Variants in ZNF613 observed in about 807,000 individuals in gnomAD.
ZNF613 encodes zinc finger protein 613.
A neutral mutation model predicts 14.3 loss-of-function variants in ZNF613; 8 were observed. That is an observed-to-expected ratio of 0.56 (90% CI 0.33 to 1.01). The LOEUF is 1.01. Ranked by LOEUF, ZNF613 falls within the 50% of genes least tolerant of loss-of-function variation. The pLI, the probability that ZNF613 is intolerant of heterozygous loss-of-function variation, is 0.03. For missense variants in ZNF613, 656 were observed against 741.9 expected (o/e 0.88, Z 1.35); for synonymous variants, 228 against 254.5 (o/e 0.90, Z 0.99).
At chr19:51,938,885 A>C (rs956798586) in intron 3 of ZNF613, among the ~76,000 whole-genome samples, 1 of 151,696 alleles carries the variant, frequency 6.6e-6, no homozygotes, top group Non-Finnish European at 1.5e-5. Flanking sequence ...TTGCCTAATG[A>C]TGCATTTCTC....
Position 51,941,201 on chromosome 19 carries a change from G to A in ZNF613, c.235+492G>A, listed in dbSNP as rs138654457. ...CCTGCTTTGGCCTCCCAAAGTGCTGGGATTACAGGTGTGAGCCACCACACC... is the reference window on the plus strand; with the variant it reads ...CCTGCTTTGGCCTCCCAAAGTGCTGAGATTACAGGTGTGAGCCACCACACC... On this transcript the variant is annotated intron_variant, in intron 5 of 5. Transcript: ENST00000293471. Among the ~76,000 whole-genome samples the A allele has an allele frequency of 2.2e-4, 34 of 152,242 alleles. 1 individual carries two copies. In the East Asian group the frequency reaches 6.4e-3, roughly 29 times the overall value.
chr19:51,928,618 T>C (rs916315688), intron 1 of ZNF613, among the ~76,000 whole-genome samples: 1 of 152,006 alleles, frequency 6.6e-6, no homozygotes, highest in African/African-American at 2.4e-5. Context: ...TCCCAGCATT[T>C]GGGAGGCCAA....
chr19:51,942,437 TG>T (rs2085356699), intron 5 of ZNF613, among the ~76,000 whole-genome samples: 1 of 152,210 alleles, frequency 6.6e-6, no homozygotes, highest in African/African-American at 2.4e-5. Flanking sequence ...AATGGCTGTT[TG>T]GTCAGATGCC....
intron 3 of ZNF613, among the ~76,000 whole-genome samples, chr19:51,937,275 C>T (rs536351173): frequency 6.6e-6 from 1 of 152,334 alleles, no homozygotes; most frequent in African/African-American, 2.4e-5. Flanking sequence ...GGGGACCTCA[C>T]ACTTGTGACT....
rs769703133 is a variant in ZNF613, at chr19:51,944,179, G to T, written c.296G>T (p.Arg99Ile). 4.4e-6 allele frequency: 7 copies of T among 1,586,342 alleles called. No individual in the cohort carries two copies. Among genetic ancestry groups the T allele is most frequent in the South Asian group, 2.3e-5 (2 of 86,922 alleles). The part of the protein sequence containing the change: ...MHSQKQRCLK[R>I]VEQCHKHNAF... ...TCACAAAAGCAAAGATGTCTGAAGA[G>T]AGTGGAACAATGCCATAAACATAAT... is the stretch of plus-strand genomic sequence containing the variant. Residue 99 changes from arginine (R) to isoleucine (I), a missense_variant, in exon 6 of 6, where the codon AGA becomes ATA. Transcript: ENST00000293471.
intron 5 of ZNF613, 49 bp downstream of exon 5, chr19:51,940,758 T>G (rs772998944): frequency 6.6e-7 from 1 of 1,515,558 alleles, no homozygotes; most frequent in Non-Finnish European, 9.1e-7. Context: ...GCAAGTCACA[T>G]GATAGTTGTT....
intron 5 of ZNF613, 114 bp from the exon 6 acceptor site, chr19:51,944,005 A>G: frequency 1.4e-6 from 1 of 725,026 alleles, no homozygotes; most frequent in Non-Finnish European, 2.0e-6. Flanking sequence ...ATCTACTTGG[A>G]GTTTTTTAAA....
At position 51,940,853 on chromosome 19, in the gene ZNF613, C is replaced by T; in HGVS notation, c.235+144C>T. The T allele has an allele frequency of 6.7e-6, 3 of 448,520 alleles. No homozygotes were observed. In the Admixed American group the frequency reaches 1.2e-4, roughly 18 times the overall value. The allele number at this position is 448,520 out of a possible 1,614,324, so 27.8% of individuals were successfully genotyped here. A position where few individuals can be genotyped will look rare whatever the true frequency, so the allele number is the denominator to read the frequency against. The stretch of plus-strand genomic sequence containing the variant: ...CTCTCCCCACACAAAAGCTCTTTCT[C>T]CTTCGGGTATTTAGAGGAACATCTG... On this transcript the variant is annotated intron_variant, in intron 5 of 5. Transcript: ENST00000293471.
rs757405831 is a variant in ZNF613, at chr19:51,945,190, G to C, written c.1307G>C (p.Gly436Ala). Residue 436 changes from glycine to alanine, a missense_variant, in exon 6 of 6, where the codon GGC becomes GCC. By Grantham distance (60) the Gly-to-Ala change is moderately conservative. Transcript: ENST00000293471. ...TATGTATGCAATGAATGTGGGAAAG[G>C]CTTCAGCCAGAAGACATGTTTAATA... Reference protein sequence around the residue: ...KPYVCNECGKGFSQKTCLISH... With the variant: ...KPYVCNECGKAFSQKTCLISH... The C allele has an allele frequency of 1.9e-6, 3 of 1,614,122 alleles. No homozygotes were observed. Among genetic ancestry groups the C allele is most frequent in the South Asian group, 1.1e-5 (1 of 91,076 alleles).
In ZNF613 at chr19:51,940,407, C is replaced by T; in HGVS notation, c.142+72C>T. 1.9e-6 allele frequency: 3 copies of T among 1,610,436 alleles called. No homozygotes were observed. In the South Asian group the frequency reaches 3.3e-5, roughly 18 times the overall value. On this transcript the variant is annotated intron_variant, in intron 4 of 5. Transcript: ENST00000293471. The stretch of plus-strand genomic sequence containing the variant: ...CCTTTGCTTTCTCAGCTTTCAAAAG[C>T]TCTGGAGGGCCTGTGGTGCTCTGAA...
Position 51,944,340 on chromosome 19 carries a change from A to G in ZNF613, c.457A>G (p.Asn153Asp). The change falls in exon 6 of 6, where the codon AAT becomes GAT. Residue 153 changes from asparagine to aspartate, a missense_variant. Physicochemically the swap from Asn to Asp is conservative, Grantham distance 23. Coordinates refer to ENST00000293471, the MANE Select transcript of ZNF613 (RefSeq NM_001031721.4). ...VNQNKRYEIK[N>D]SVGVNGDGKS... ...CCAGAACAAAAGGTATGAAATCAAG[A>G]ATTCTGTGGGGGTTAATGGAGATGG... 2 of 1,593,460 alleles carry G rather than the reference A, an allele frequency of 1.3e-6. No individual in the cohort carries two copies. Among genetic ancestry groups the G allele is most frequent in the Non-Finnish European group, 1.7e-6 (2 of 1,165,952 alleles).
At chr19:51,930,198 T>C (rs1358458945) in intron 2 of ZNF613, among the ~76,000 whole-genome samples, 1 of 152,234 alleles carries the variant, frequency 6.6e-6, no homozygotes, top group Non-Finnish European at 1.5e-5. Flanking sequence ...TTTACTCTTA[T>C]TTCATTTCAT....
Position 51,944,219 on chromosome 19 carries a change from C to T in ZNF613, c.336C>T (p.Ile112=). The change falls in exon 6 of 6, where the codon ATC becomes ATT. Residue 112 remains isoleucine, a synonymous_variant. Coordinates refer to ENST00000293471, the MANE Select transcript of ZNF613 (RefSeq NM_001031721.4). ...QCHKHNAFGN[I]IHQRKSDFPL... ...ATAAACATAATGCATTTGGAAACAT[C>T]ATTCATCAGAGGAAAAGTGATTTTC... is the stretch of plus-strand genomic sequence containing the variant. 6.2e-7 allele frequency: 1 copy of T among 1,610,088 alleles called. No homozygotes were observed. Among genetic ancestry groups the T allele is most frequent in the East Asian group, 2.2e-5 (1 of 44,754 alleles).
In ZNF613 at chr19:51,940,360, T is replaced by C. The variant is rs758001499; in HGVS notation, c.142+25T>C. On this transcript the variant is annotated intron_variant, in intron 4 of 5. Transcript: ENST00000293471. ...GGTGAGGACAGCTGCCCTGTGTCAC[T>C]CAGAGAGTACCCAGTCAAAGGCCTT... 3 of 1,612,936 alleles carry C rather than the reference T, an allele frequency of 1.9e-6. No individual in the cohort carries two copies. In the South Asian group the frequency reaches 3.3e-5, roughly 18 times the overall value.
chr19:51,940,392 C>T (rs2085338727), intron 4 of ZNF613, 57 bp downstream of exon 4: 1 of 1,612,286 alleles, frequency 6.2e-7, no homozygotes, highest in Admixed American at 1.7e-5. Context: ...CCTTTGCTTT[C>T]TCAGCTTTCA....
intron 3 of ZNF613, 51 bp downstream of exon 3, chr19:51,936,286 G>C (rs773324892): frequency 3.7e-5 from 59 of 1,573,830 alleles, no homozygotes; most frequent in Non-Finnish European, 5.1e-5. Flanking sequence ...TTGATTTCTG[G>C]AAGACTTTAA....
At chr19:51,933,674 T>C (rs930034574) in intron 2 of ZNF613, among the ~76,000 whole-genome samples, 1 of 152,176 alleles carries the variant, frequency 6.6e-6, no homozygotes, top group Non-Finnish European at 1.5e-5. Context: ...GGTTCCCACG[T>C]TGGGAATGTT....
intron 2 of ZNF613, among the ~76,000 whole-genome samples, chr19:51,935,632 T>C (rs1262102841): frequency 1.3e-5 from 2 of 152,348 alleles, no homozygotes; most frequent in East Asian, 3.9e-4. Context: ...GTGAGGTGTA[T>C]GATGACTTTT....
rs769753280 is a variant in ZNF613, at chr19:51,945,369, A to G, written c.1486A>G (p.Lys496Glu). Residue 496 changes from lysine to glutamate, a missense_variant, in exon 6 of 6, where the codon AAA (lysine) becomes GAA (glutamate). Coordinates refer to ENST00000293471, the MANE Select transcript of ZNF613 (RefSeq NM_001031721.4). ...CSDCGKAFRD[K>E]SCLNRHRRTH... ...TGACTGTGGGAAAGCTTTCAGAGAT[A>G]AATCATGTCTCAACAGACATCGGAG... 15 of 1,613,976 alleles carry G rather than the reference A, an allele frequency of 9.3e-6. No homozygotes were observed. Among genetic ancestry groups the G allele is most frequent in the Non-Finnish European group, 1.2e-5 (14 of 1,179,996 alleles).
Sources: allele counts gnomAD v4.1 joint callset (sites outside exome capture counted in the v4.1 genomes callset), GRCh38; gene constraint gnomAD v4.1.1; transcripts MANE v1.5; gene names NCBI Gene and HGNC (gene_info 2026-07-23, HGNC 2026-07-21).